The following KLHL13 variants were observed in gnomAD, a reference collection of about 807,000 sequenced individuals.
KLHL13 encodes the protein kelch-like protein 13.
A neutral mutation model predicts 37.1 loss-of-function variants in KLHL13; 10 were observed. That is an observed-to-expected ratio of 0.27 (90% confidence interval 0.17 to 0.46). The LOEUF is 0.46. Ranked by LOEUF, KLHL13 falls within the 20% of genes least tolerant of loss-of-function variation. The pLI, the probability that KLHL13 is intolerant of heterozygous loss-of-function variation, is 1.00. For missense variants in KLHL13, 360 were observed against 509.3 expected (o/e 0.71, Z 2.82); for synonymous variants, 163 against 181.2 (o/e 0.90, Z 0.81).
At chrX:117,957,001 C>A (rs1813534725) in intron 1 of KLHL13, among the ~76,000 whole-genome samples, 3 of 112,088 alleles carry the variant, frequency 2.7e-5, no homozygotes, top group African/African-American at 9.7e-5. Context: ...TGATATTATA[C>A]ATTCAAAAGA....
chrX:118,021,131 T>TA (rs1270166733), intron 1 of KLHL13, among the ~76,000 whole-genome samples: 1 of 107,689 alleles, frequency 9.3e-6, no homozygotes, highest in Non-Finnish European at 1.9e-5. Flanking sequence ...CCCTAAAACT[T>TA]AAAGTATAAT....
intron 1 of KLHL13, among the ~76,000 whole-genome samples, chrX:118,074,520 A>G (rs746247043): frequency 7.2e-5 from 8 of 111,706 alleles, no homozygotes; most frequent in Non-Finnish European, 1.5e-4. Context: ...TGCTTTCTGT[A>G]TGAGCTGGCT....
intron 2 of KLHL13, among the ~76,000 whole-genome samples, chrX:117,933,651 A>G (rs73595639): frequency 0.023 from 2,558 of 111,650 alleles, 77 homozygotes; most frequent in African/African-American, 0.078. Context: ...AAATAGACAA[A>G]TGAGAGTACA....
exon 7 of KLHL13, chrX:117,898,068 T>C (rs1283329119): frequency 8.9e-6 from 1 of 112,252 alleles, no homozygotes; most frequent in East Asian, 2.8e-4. Context: ...ACCTAAATTC[T>C]GTATGGTTCT....
chrX:117,985,554 T>A lies in KLHL13; in HGVS notation c.-55-39979A>T, dbSNP rs144830679. On this transcript the variant is annotated intron_variant, in intron 1 of 6. Coordinates refer to the KLHL13 transcript ENST00000371882. ...TCATATCTAAACTGCTGGCCAGATA[T>A]GAAAATGAGAAGCACATATATCTTG... 4.6e-3 allele frequency: 660 copies of A among 142,641 alleles called. 5 individuals carry two copies. Among genetic ancestry groups the A allele is most frequent in the African/African-American group, 0.018 (557 of 31,026 alleles). The allele number at this position is 142,641 out of a possible 1,213,427, so 11.8% of individuals were successfully genotyped here.
At chrX:117,917,654 C>A (rs779150313) in intron 4 of KLHL13, among the ~76,000 whole-genome samples, 5 of 111,666 alleles carry the variant, frequency 4.5e-5, no homozygotes, top group Non-Finnish European at 7.5e-5. Context: ...ATTACTATAA[C>A]TTTTTTGTAT....
chrX:118,001,009 G>A (rs1455316125), intron 1 of KLHL13, among the ~76,000 whole-genome samples: 1 of 111,838 alleles, frequency 8.9e-6, no homozygotes, highest in Non-Finnish European at 1.9e-5. Flanking sequence ...ATTAAATTAA[G>A]GACAAAAGAG....
chrX:118,032,669 TA>T (rs1167308050), intron 1 of KLHL13, among the ~76,000 whole-genome samples: 1 of 111,825 alleles, frequency 8.9e-6, no homozygotes, highest in African/African-American at 3.3e-5. Context: ...CTGGAAACTC[TA>T]AAAAGCAGAG....
chrX:118,023,142 GT>G (rs200824033), intron 1 of KLHL13, among the ~76,000 whole-genome samples: 17,363 of 110,937 alleles, frequency 0.16, 1,820 homozygotes, highest in African/African-American at 0.38. Context: ...CTAGGAATTG[GT>G]TAATTTTCTC....
intron 1 of KLHL13, among the ~76,000 whole-genome samples, chrX:117,992,456 G>A (rs12396520): frequency 0.056 from 6,172 of 110,846 alleles, 415 homozygotes; most frequent in African/African-American, 0.19. Context: ...CAAACAAATG[G>A]TTTGTAAATA....
At chrX:117,944,430 T>G (rs1489071401) in intron 2 of KLHL13, among the ~76,000 whole-genome samples, 1 of 111,540 alleles carries the variant, frequency 9.0e-6, no homozygotes, top group Non-Finnish European at 1.9e-5. Context: ...TTTAGAGGTA[T>G]GCTAGTCAAG....
intron 5 of KLHL13, among the ~76,000 whole-genome samples, chrX:117,905,861 T>C (rs1251270475): frequency 9.0e-6 from 1 of 111,518 alleles, no homozygotes; most frequent in African/African-American, 3.3e-5. Flanking sequence ...TAAATTATTA[T>C]TGACTATAGT....
intron 1 of KLHL13, among the ~76,000 whole-genome samples, chrX:118,097,802 A>T (rs2148167007): frequency 8.9e-6 from 1 of 111,838 alleles, no homozygotes; most frequent in Non-Finnish European, 1.9e-5. Flanking sequence ...GATCTTTGAC[A>T]AACTGGAGGA....
chrX:118,058,999 T>C (rs1194609164), intron 1 of KLHL13, among the ~76,000 whole-genome samples: 1 of 111,506 alleles, frequency 9.0e-6, no homozygotes, highest in African/African-American at 3.3e-5. Flanking sequence ...CCAACTGGTT[T>C]TGAGCATGCA....
chrX:117,907,693 A>G (rs1365224188), intron 5 of KLHL13, among the ~76,000 whole-genome samples: 1 of 111,401 alleles, frequency 9.0e-6, no homozygotes, highest in African/African-American at 3.3e-5. Flanking sequence ...TTAAAAGTCC[A>G]ATTATTAAAA....
intron 1 of KLHL13, among the ~76,000 whole-genome samples, chrX:118,032,431 C>A (rs1484298441): frequency 8.9e-6 from 1 of 111,842 alleles, no homozygotes; most frequent in Non-Finnish European, 1.9e-5. Flanking sequence ...GGGTCCCTGA[C>A]CCCTGACCCC....
intron 2 of KLHL13, among the ~76,000 whole-genome samples, chrX:117,934,305 AAAAG>A (rs1369886913): frequency 9.0e-6 from 1 of 111,658 alleles, no homozygotes; most frequent in Non-Finnish European, 1.9e-5. Context: ...ATAATTTTTA[AAAAG>A]AAAGAAAGGT....
intron 1 of KLHL13, among the ~76,000 whole-genome samples, chrX:118,013,756 G>A (rs747675672): frequency 3.2e-4 from 36 of 112,549 alleles, no homozygotes; most frequent in Admixed American, 2.8e-4. Flanking sequence ...CAGAGACCCC[G>A]AACGGAGAGA....
intron 1 of KLHL13, among the ~76,000 whole-genome samples, chrX:118,045,097 G>A (rs2054544314): frequency 9.0e-6 from 1 of 111,489 alleles, no homozygotes; most frequent in Non-Finnish European, 1.9e-5. Context: ...AAACAGGCTG[G>A]GTGTGGTGGC....
Sources: gnomAD v4.1 joint callset for allele counts (sites outside exome capture counted in the v4.1 genomes callset) on GRCh38, gnomAD v4.1.1 for gene constraint, MANE v1.5 for transcripts, NCBI Gene and HGNC (gene_info 2026-07-23, HGNC 2026-07-21) for gene names.